SYNE1: variants seen among roughly 807,000 people sequenced by gnomAD.
SYNE1 encodes nesprin-1.
In SYNE1, 616 loss-of-function variants were observed where a neutral mutation model predicts 1,111.0. The ratio of observed to expected loss-of-function variants is 0.55; its 90% CI spans 0.52 to 0.59. The LOEUF (loss-of-function observed/expected upper bound fraction) is 0.59, where lower values mean the gene tolerates loss of function less well. Among genes scored for constraint, SYNE1 ranks in the 20% least tolerant of loss-of-function variants. The pLI is 0.00. For synonymous variants in SYNE1, 3,855 were observed against 3,825.8 expected (o/e 1.01, Z -0.28); for missense variants, 10,006 against 10,417.0 (o/e 0.96, Z 1.72).
At chr6:152,223,996 A>T (rs2080864029) in intron 117 of SYNE1, among the ~76,000 whole-genome samples, 1 of 152,218 alleles carries the variant, frequency 6.6e-6, no homozygotes, top group Admixed American at 6.5e-5. Flanking sequence ...GACCCACAGG[A>T]AACCAAGCAG....
chr6:152,619,046 T>TCTCACACACACA (rs369313606), intron 3 of SYNE1, among the ~76,000 whole-genome samples: 2 of 135,682 alleles, frequency 1.5e-5, no homozygotes, highest in Non-Finnish European at 3.3e-5. Flanking sequence ...GGTGTGAGAA[T>TCTCACACACACA]CACACACACA....
In SYNE1 at chr6:152,326,426, G is replaced by C; in HGVS notation, c.15163C>G (p.Leu5055Val). Residue 5055 changes from leucine (L) to valine (V), a missense_variant, in exon 79 of 146, where the codon CTG (leucine) becomes GTG (valine). Leu to Val is a conservative substitution (Grantham distance 32). Around this residue, in one of 7 missense-constraint regions of SYNE1, gnomAD observed 4,955 missense variants for 5,017.2 expected, o/e 0.99. Transcript: ENST00000367255. ...FHSNLEELHS[L>V]VATLDPLIKP... ...ATGAGTGGGTCCAGGGTGGCTACCA[G>C]GCTGTGGAGCTCCTCCAGGTTACTA... 1 of 1,614,154 alleles carries C rather than the reference G, an allele frequency of 6.2e-7. No individual in the cohort carries two copies. The highest frequency in any genetic ancestry group is 8.5e-7 in the Non-Finnish European group (1 of 1,180,032).
chr6:152,507,691 A>G (rs2099065147), intron 8 of SYNE1, among the ~76,000 whole-genome samples: 1 of 152,172 alleles, frequency 6.6e-6, no homozygotes, highest in South Asian at 2.1e-4. Context: ...ATAACTACAT[A>G]TATGCATATA....
intron 12 of SYNE1, among the ~76,000 whole-genome samples, chr6:152,487,124 G>A (rs759174171): frequency 3.3e-5 from 5 of 152,126 alleles, no homozygotes; most frequent in Admixed American, 6.5e-5. Context: ...CATGTGCCAT[G>A]GTGGTTTGCT....
chr6:152,214,307 G>C (rs2078146917), intron 122 of SYNE1, among the ~76,000 whole-genome samples: 2 of 151,710 alleles, frequency 1.3e-5, no homozygotes, highest in Non-Finnish European at 2.9e-5. Flanking sequence ...TCACTTAAAA[G>C]AGTTTTCTGA....
intron 2 of SYNE1, among the ~76,000 whole-genome samples, chr6:152,635,196 T>C (rs951881459): frequency 6.6e-6 from 1 of 152,220 alleles, no homozygotes; most frequent in Non-Finnish European, 1.5e-5. Context: ...AGTTCTTAAA[T>C]GAGGTCAATG....
chr6:152,563,897 C>T (rs2099402860), intron 3 of SYNE1, among the ~76,000 whole-genome samples: 1 of 152,092 alleles, frequency 6.6e-6, no homozygotes, highest in African/African-American at 2.4e-5. Flanking sequence ...ATTATAATTG[C>T]CATACTAGAA....
intron 76 of SYNE1, chr6:152,335,745 A>C (rs905566220): frequency 1.3e-5 from 2 of 152,070 alleles, no homozygotes; most frequent in African/African-American, 2.4e-5. Context: ...GCTGGAGTGC[A>C]GTGGCATGAT....
rs2098420573 is a variant in SYNE1, at chr6:152,430,691, C to T, written c.4480G>A (p.Glu1494Lys). Reference protein sequence around the residue: ...SQIKVTIQEIESKLSSIVGLE... With the variant: ...SQIKVTIQEIKSKLSSIVGLE... ...CCTACAATGCTGCTGAGCTTACTTT[C>T]TATTTCCTGAATTGTGACCTAATAG... Residue 1494 changes from glutamate (E) to lysine (K), a missense_variant, in exon 35 of 146, where the codon GAA becomes AAA. Glu to Lys is a moderately conservative substitution (Grantham distance 56, BLOSUM62 1). Coordinates refer to ENST00000367255, the MANE Select transcript of SYNE1 (RefSeq NM_182961.4). 2 of 1,614,060 alleles carry T rather than the reference C, an allele frequency of 1.2e-6. No individual in the cohort carries two copies. The highest frequency in any genetic ancestry group is 2.2e-5 in the South Asian group (2 of 91,078).
intron 12 of SYNE1, 138 bp downstream of exon 12, chr6:152,488,258 T>G: frequency 1.7e-6 from 1 of 602,508 alleles, no homozygotes; most frequent in Non-Finnish European, 2.9e-6. Flanking sequence ...ATATGCAAAC[T>G]TAGGGTAATG....
chr6:152,619,682 C>T (rs1170864479), intron 3 of SYNE1, among the ~76,000 whole-genome samples: 4 of 151,988 alleles, frequency 2.6e-5, no homozygotes, highest in Non-Finnish European at 4.4e-5. Flanking sequence ...AAAGTGGAGA[C>T]GTCTAAGGGG....
intron 42 of SYNE1, chr6:152,410,300 C>T (rs2098002403): frequency 6.6e-6 from 1 of 152,414 alleles, no homozygotes; most frequent in Non-Finnish European, 1.5e-5. Context: ...AGCCTGAATG[C>T]ACTTTCTCTC....
At chr6:152,179,070 T>C (rs1188275874) in intron 129 of SYNE1, among the ~76,000 whole-genome samples, 1 of 152,036 alleles carries the variant, frequency 6.6e-6, no homozygotes, top group Non-Finnish European at 1.5e-5. Context: ...TGTGCCACCA[T>C]GCCTGGCTAA....
At chr6:152,404,566 ACCT>A (rs1042395606) in intron 45 of SYNE1, among the ~76,000 whole-genome samples, 33 of 149,626 alleles carry the variant, frequency 2.2e-4, no homozygotes, top group African/African-American at 6.7e-4. Context: ...GGAAAAAAAA[ACCT>A]CCTGGAAAAA....
chr6:152,422,995 GCTTC>G (rs1176628693), intron 39 of SYNE1, among the ~76,000 whole-genome samples: 1 of 152,208 alleles, frequency 6.6e-6, no homozygotes, highest in East Asian at 1.9e-4. Context: ...GAATAAACTT[GCTTC>G]TGTAGATCTG....
intron 11 of SYNE1, among the ~76,000 whole-genome samples, chr6:152,492,710 A>G (rs528515425): frequency 6.6e-6 from 1 of 152,196 alleles, no homozygotes; most frequent in Non-Finnish European, 1.5e-5. Flanking sequence ...TCACCTCGGA[A>G]GCCTCCTGGA....
At position 152,520,962 on chromosome 6, in the gene SYNE1, G is replaced by C. The variant is rs143963772; in HGVS notation, c.226-420C>G. The stretch of plus-strand genomic sequence containing the variant: ...AAACAAAGTCAGGACCCACAACTAA[G>C]TATGAAAGCCATATCCCAAAATATG... On this transcript the variant is annotated intron_variant, in intron 5 of 145. Coordinates refer to ENST00000367255, the MANE Select transcript of SYNE1 (RefSeq NM_182961.4). 5.3e-3 allele frequency among the ~76,000 whole-genome samples: 803 copies of C among 152,172 alleles called. 8 individuals are homozygous for C. The highest frequency in any genetic ancestry group is 0.018 in the African/African-American group (751 of 41,518).
At chr6:152,149,947 T>C (rs1292376730) in intron 135 of SYNE1, among the ~76,000 whole-genome samples, 1 of 152,166 alleles carries the variant, frequency 6.6e-6, no homozygotes, top group African/African-American at 2.4e-5. Context: ...GGGTAGAGAA[T>C]AACAGGGGAA....
chr6:152,295,294 C>G (rs1401086530), intron 93 of SYNE1, among the ~76,000 whole-genome samples: 1 of 152,130 alleles, frequency 6.6e-6, no homozygotes, highest in Non-Finnish European at 1.5e-5. Context: ...AGATGAGTCC[C>G]CAACATTTAT....
Sources: gnomAD v4.1 joint callset for allele counts (sites outside exome capture counted in the v4.1 genomes callset) on GRCh38, gnomAD v4.1.1 for gene constraint, gnomAD v4.1.1 regional missense constraint, MANE v1.5 for transcripts, NCBI Gene and HGNC (gene_info 2026-07-23, HGNC 2026-07-21) for gene names.